TMEM132D: variants seen among roughly 807,000 people sequenced by gnomAD.
The protein encoded by TMEM132D is mature OL transmembrane protein.
TMEM132D carries 21 observed loss-of-function variants against 62.3 expected under a neutral mutation model. The ratio of observed to expected loss-of-function variants is 0.34; its 90% CI spans 0.24 to 0.49. The LOEUF (loss-of-function observed/expected upper bound fraction) is 0.49. Among genes scored for constraint, TMEM132D ranks in the 20% least tolerant of loss-of-function variants. The pLI is 0.99. For synonymous variants in TMEM132D, 621 were observed against 575.6 expected (o/e 1.08, Z -1.13); for missense variants, 1,346 against 1,402.8 (o/e 0.96, Z 0.65).
chr12:129,405,323 G>A lies in TMEM132D; in HGVS notation c.1116-67506C>T, dbSNP rs187554273. The stretch of plus-strand genomic sequence containing the variant: ...CTTATAAGGGTGCTAATCTCATCAC[G>A]GGGCTCTACCCTCATGACCTTACCT... On this transcript the variant is annotated intron_variant, in intron 3 of 8. Transcript: ENST00000422113. 4.8e-3 allele frequency among the ~76,000 whole-genome samples: 729 copies of A among 152,150 alleles called. 4 individuals are homozygous for A. The highest frequency in any genetic ancestry group is 8.0e-3 in the Non-Finnish European group (545 of 68,004).
At chr12:129,285,821 C>T (rs1881280651) in intron 4 of TMEM132D, among the ~76,000 whole-genome samples, 1 of 152,100 alleles carries the variant, frequency 6.6e-6, no homozygotes, top group South Asian at 2.1e-4. Context: ...ACTCTTCTCA[C>T]CCCAGTAGTT....
At chr12:129,823,546 T>C (rs1162516365) in intron 1 of TMEM132D, among the ~76,000 whole-genome samples, 1 of 152,260 alleles carries the variant, frequency 6.6e-6, no homozygotes, top group Non-Finnish European at 1.5e-5. Flanking sequence ...GGCTCAGGCC[T>C]GTGATGCAAA....
chr12:129,113,394 G>A (rs1294862041), intron 5 of TMEM132D: 2 of 152,138 alleles, frequency 1.3e-5, no homozygotes, highest in Non-Finnish European at 2.9e-5. Context: ...AATAGTTAGC[G>A]ATTCACTCAC....
chr12:129,512,652 C>A (rs1489788333), intron 3 of TMEM132D, among the ~76,000 whole-genome samples: 1 of 152,202 alleles, frequency 6.6e-6, no homozygotes, highest in Non-Finnish European at 1.5e-5. Context: ...CCGTGATCAA[C>A]TAGGGGCTAG....
At chr12:129,583,036 C>T (rs1565912129) in intron 2 of TMEM132D, among the ~76,000 whole-genome samples, 1 of 152,050 alleles carries the variant, frequency 6.6e-6, no homozygotes, top group Non-Finnish European at 1.5e-5. Flanking sequence ...TCTTGATCTC[C>T]TGACTTTGTG....
chr12:129,285,364 C>A (rs1430772397), intron 4 of TMEM132D, among the ~76,000 whole-genome samples: 2 of 143,404 alleles, frequency 1.4e-5, no homozygotes, highest in African/African-American at 2.6e-5. Context: ...ACTAAAAGTA[C>A]AAAAAAAAAA....
intron 2 of TMEM132D, among the ~76,000 whole-genome samples, chr12:129,578,003 G>A (rs1002114609): frequency 1.3e-5 from 2 of 152,128 alleles, no homozygotes; most frequent in East Asian, 1.9e-4. Flanking sequence ...ATCTGTTGAG[G>A]GCCAACGCAG....
At chr12:129,770,508 A>G (rs1188959121) in intron 1 of TMEM132D, among the ~76,000 whole-genome samples, 4 of 152,188 alleles carry the variant, frequency 2.6e-5, no homozygotes, top group Non-Finnish European at 5.9e-5. Flanking sequence ...CATTGGAGAT[A>G]GAAATTCTTT....
At chr12:129,832,140 G>C (rs913395577) in intron 1 of TMEM132D, among the ~76,000 whole-genome samples, 6 of 146,776 alleles carry the variant, frequency 4.1e-5, no homozygotes, top group African/African-American at 1.3e-4. Flanking sequence ...GCCCGTCTCA[G>C]CCTCCCAAAG....
At chr12:129,257,643 C>T (rs1880442647) in intron 4 of TMEM132D, among the ~76,000 whole-genome samples, 2 of 152,146 alleles carry the variant, frequency 1.3e-5, no homozygotes, top group African/African-American at 4.8e-5. Flanking sequence ...CCAGTCAGGG[C>T]TTTGCATTCT....
At chr12:129,090,632 C>T (rs1309453291) in intron 5 of TMEM132D, among the ~76,000 whole-genome samples, 1 of 151,574 alleles carries the variant, frequency 6.6e-6, no homozygotes, top group Non-Finnish European at 1.5e-5. Context: ...TGTGCCACTG[C>T]ACTCCAGCCT....
chr12:129,225,218 T>C (rs1370265487), intron 4 of TMEM132D, among the ~76,000 whole-genome samples: 1 of 152,224 alleles, frequency 6.6e-6, no homozygotes, highest in South Asian at 2.1e-4. Context: ...GTTATTGCCA[T>C]GACTGGCGCA....
At chr12:129,222,744 C>A (rs1312654102) in intron 4 of TMEM132D, among the ~76,000 whole-genome samples, 1 of 152,110 alleles carries the variant, frequency 6.6e-6, no homozygotes, top group Non-Finnish European at 1.5e-5. Context: ...TTGCCAGGAA[C>A]TGGGTGAGGT....
At chr12:129,368,840 A>G (rs1325296177) in intron 3 of TMEM132D, among the ~76,000 whole-genome samples, 1 of 152,090 alleles carries the variant, frequency 6.6e-6, no homozygotes, top group Non-Finnish European at 1.5e-5. Flanking sequence ...GTAAGCAGAA[A>G]TCTACTTCAC....
intron 1 of TMEM132D, among the ~76,000 whole-genome samples, chr12:129,758,217 AT>A (rs533571150): frequency 2.0e-5 from 3 of 151,482 alleles, no homozygotes; most frequent in African/African-American, 7.3e-5. Context: ...CTTTTATTTT[AT>A]TTTTTTTAAG....
chr12:129,441,149 A>G (rs1872925555), intron 3 of TMEM132D, among the ~76,000 whole-genome samples: 1 of 152,210 alleles, frequency 6.6e-6, no homozygotes, highest in African/African-American at 2.4e-5. Flanking sequence ...GATTGCATGC[A>G]CATACCTGTA....
chr12:129,345,636 TTGCTGCTCATTCAGGATAAA>T (rs1869656586), intron 3 of TMEM132D, among the ~76,000 whole-genome samples: 1 of 152,206 alleles, frequency 6.6e-6, no homozygotes. Flanking sequence ...TCAAGCATTT[TTGCTGCTCATTCAGGATAAA>T]AACCTGCAGC....
chr12:129,417,889 G>T (rs2135709273), intron 3 of TMEM132D, among the ~76,000 whole-genome samples: 1 of 152,280 alleles, frequency 6.6e-6, no homozygotes, highest in South Asian at 2.1e-4. Context: ...AATAGGCAAA[G>T]GATATGAACA....
chr12:129,156,840 A>G (rs1877261698), intron 5 of TMEM132D, among the ~76,000 whole-genome samples: 2 of 152,064 alleles, frequency 1.3e-5, no homozygotes, highest in South Asian at 4.2e-4. Context: ...TAACTAACCC[A>G]CTTTTGTGAT....
Sources: allele counts gnomAD v4.1 joint callset (sites outside exome capture counted in the v4.1 genomes callset), GRCh38; gene constraint gnomAD v4.1.1; transcripts MANE v1.5; gene names NCBI Gene and HGNC (gene_info 2026-07-23, HGNC 2026-07-21).